KREMEN1: variants seen among roughly 807,000 people sequenced by gnomAD.
KREMEN1 encodes kremen protein 1.
In KREMEN1, 30 loss-of-function variants were observed where a neutral mutation model predicts 46.5. The observed-to-expected ratio is 0.65, with a 90% CI of 0.48 to 0.88. KREMEN1 has a LOEUF of 0.88. Among genes scored for constraint, KREMEN1 ranks in the 40% least tolerant of loss-of-function variants. The probability of loss-of-function intolerance (pLI) is 0.00; values close to 1 mark genes in which losing one functional copy is unlikely to be tolerated. For missense variants in KREMEN1, 533 were observed against 596.9 expected, an observed-to-expected ratio of 0.89 and a Z score of 1.11; for synonymous variants, 214 against 230.6, an observed-to-expected ratio of 0.93 and a Z score of 0.65.
At chr22:29,131,532 A>G (rs1025864253) in intron 5 of KREMEN1, among the ~76,000 whole-genome samples, 182 of 12,722 alleles carry the variant, frequency 0.014, 2 homozygotes, top group African/African-American at 0.029. Context: ...TCATATATAT[A>G]TATATATATA....
chr22:29,123,673 C>T (rs1484371448), intron 4 of KREMEN1, among the ~76,000 whole-genome samples: 1 of 152,116 alleles, frequency 6.6e-6, no homozygotes, highest in Non-Finnish European at 1.5e-5. Flanking sequence ...ACCTGTAGTC[C>T]CAGTTACTCG....
At chr22:29,167,294 G>A (rs1414489716) in exon 10 of KREMEN1, 1 of 614,478 alleles carries the variant, frequency 1.6e-6, no homozygotes, top group Non-Finnish European at 2.9e-6. Context: ...AGGAGGTCGA[G>A]GCTGCAGTGA....
intron 1 of KREMEN1, among the ~76,000 whole-genome samples, chr22:29,091,717 A>G (rs1439261072): frequency 6.6e-6 from 1 of 152,176 alleles, no homozygotes; most frequent in Non-Finnish European, 1.5e-5. Context: ...CTGGTGTGGT[A>G]CATACCACAC....
chr22:29,115,536 C>T (rs1210043626), intron 3 of KREMEN1, among the ~76,000 whole-genome samples: 1 of 152,180 alleles, frequency 6.6e-6, no homozygotes, highest in Non-Finnish European at 1.5e-5. Context: ...CCTAGAGCAC[C>T]TGCTTTGTGA....
intron 9 of KREMEN1, chr22:29,154,607 G>A (rs1278587952): frequency 6.6e-6 from 1 of 152,312 alleles, no homozygotes; most frequent in East Asian, 1.9e-4. Context: ...TCCCAGCGCA[G>A]GCTTGCTCAC....
chr22:29,096,493 G>A (rs2037884578), intron 2 of KREMEN1, among the ~76,000 whole-genome samples: 1 of 152,172 alleles, frequency 6.6e-6, no homozygotes, highest in South Asian at 2.1e-4. Flanking sequence ...TAAGAGAGCA[G>A]TGAGAGCCAG....
intron 3 of KREMEN1, among the ~76,000 whole-genome samples, chr22:29,109,167 C>A (rs1307094417): frequency 6.6e-6 from 1 of 151,972 alleles, no homozygotes; most frequent in Non-Finnish European, 1.5e-5. Context: ...ATTTAATTTT[C>A]CATTAAAAAA....
intron 9 of KREMEN1, among the ~76,000 whole-genome samples, chr22:29,162,250 A>G (rs996805479): frequency 6.6e-6 from 1 of 152,224 alleles, no homozygotes; most frequent in African/African-American, 2.4e-5. Flanking sequence ...CCATCATCCC[A>G]ATAGATGCAG....
downstream of KREMEN1, among the ~76,000 whole-genome samples, chr22:29,147,664 C>G (rs985267178): frequency 1.3e-5 from 2 of 152,204 alleles, no homozygotes; most frequent in African/African-American, 4.8e-5. Flanking sequence ...GAAAACAGAT[C>G]TGAGCGGGGT....
rs1294345295 is a variant in KREMEN1 at position 29,142,348 on chromosome 22, G to T, written c.*236G>T. 7.4e-6 allele frequency: 9 copies of T among 1,214,866 alleles called. No homozygotes were observed. The highest frequency in any genetic ancestry group is 8.2e-6 in the Non-Finnish European group (8 of 976,126). 75.3% of individuals were successfully genotyped at this position (1,214,866 alleles called of 1,614,324 possible). ...TAGGAGAGAGACTCAAAGCCCTGGG[G>T]CCCGGCCCTCTCTGCATCTCTCTCT... On this transcript the variant is annotated 3_prime_UTR_variant, in exon 9 of 9. Transcript: ENST00000400335.
chr22:29,139,151 CAA>C (rs2038718590), intron 7 of KREMEN1, among the ~76,000 whole-genome samples: 1 of 152,176 alleles, frequency 6.6e-6, no homozygotes. Flanking sequence ...CTCATTCATT[CAA>C]AAGATATATA....
intron 2 of KREMEN1, 151 bp downstream of exon 2, chr22:29,094,571 T>C: frequency 2.9e-6 from 1 of 340,280 alleles, no homozygotes; most frequent in Non-Finnish European, 5.0e-6. Context: ...CTTTCACACC[T>C]TACACACACA....
intron 1 of KREMEN1, among the ~76,000 whole-genome samples, chr22:29,090,348 A>T (rs2145754887): frequency 6.6e-6 from 1 of 152,304 alleles, no homozygotes; most frequent in South Asian, 2.1e-4. Context: ...TATGAACACA[A>T]AGAAGGAAAC....
At chr22:29,117,585 T>C (rs2145804869) in intron 3 of KREMEN1, among the ~76,000 whole-genome samples, 1 of 148,750 alleles carries the variant, frequency 6.7e-6, no homozygotes, top group South Asian at 2.2e-4. Context: ...AAAAAAATGC[T>C]ATCTAAGAGT....
At position 29,145,126 on chromosome 22, in the gene KREMEN1, A is replaced by T; in HGVS notation, c.*3014A>T. On this transcript the variant is annotated 3_prime_UTR_variant, in exon 9 of 9. Coordinates refer to ENST00000400335, the MANE Select transcript of KREMEN1 (RefSeq NM_001039570.3). Reference sequence around the variant, plus strand: ...CCAGGTAGAAAGTCAGCGACACCCCACAGAAGGCCACTGCGGCTAGGTAAA... The same window carrying T: ...CCAGGTAGAAAGTCAGCGACACCCCTCAGAAGGCCACTGCGGCTAGGTAAA... 3 of 986,098 alleles carry T rather than the reference A, an allele frequency of 3.0e-6. No homozygotes were observed. The highest frequency in any genetic ancestry group is 3.6e-6 in the Non-Finnish European group (3 of 830,210). 61.1% of individuals were successfully genotyped at this position (986,098 alleles called of 1,614,324 possible). A position where few individuals can be genotyped will look rare whatever the true frequency, so the allele number is the denominator to read the frequency against.
At chr22:29,149,597 G>T (rs998502067), downstream of KREMEN1, among the ~76,000 whole-genome samples, 1 of 152,160 alleles carries the variant, frequency 6.6e-6, no homozygotes, top group Non-Finnish European at 1.5e-5. Context: ...AAAACAAACA[G>T]GGCGGCCTTG....
intron 3 of KREMEN1, among the ~76,000 whole-genome samples, chr22:29,121,029 T>G (rs2038347882): frequency 6.6e-6 from 1 of 152,122 alleles, no homozygotes; most frequent in South Asian, 2.1e-4. Flanking sequence ...TTTACATTAT[T>G]GGAGTCTTTC....
At chr22:29,137,813 G>A (rs1400734347) in intron 6 of KREMEN1, 139 bp downstream of exon 6, 1 of 589,032 alleles carries the variant, frequency 1.7e-6, no homozygotes, top group African/African-American at 1.9e-5. Flanking sequence ...AGATCACCCC[G>A]AGGCTGTGGC....
chr22:29,110,736 A>G (rs1262872383), intron 3 of KREMEN1, among the ~76,000 whole-genome samples: 1 of 152,226 alleles, frequency 6.6e-6, no homozygotes, highest in African/African-American at 2.4e-5. Context: ...ATGTTTAGAA[A>G]TAAAGTTACA....
Sources: gnomAD v4.1 joint callset for allele counts (sites outside exome capture counted in the v4.1 genomes callset) on GRCh38, gnomAD v4.1.1 for gene constraint, MANE v1.5 for transcripts, NCBI Gene and HGNC (gene_info 2026-07-23, HGNC 2026-07-21) for gene names.